COMMD6: variants seen among roughly 807,000 people sequenced by gnomAD.
The protein encoded by COMMD6 is COMM domain containing 6.
Under a neutral mutation model 13.4 loss-of-function variants are expected in COMMD6, and 11 were observed. The ratio of observed to expected loss-of-function variants is 0.82; its 90% CI spans 0.52 to 1.36. The LOEUF (loss-of-function observed/expected upper bound fraction) is 1.36, where lower values mean the gene tolerates loss of function less well. COMMD6 is among the 40% of genes most tolerant of loss of function. COMMD6 has a pLI of 0.00. For synonymous variants in COMMD6, 43 were observed against 36.5 expected (o/e 1.18, Z -0.64); for missense variants, 124 against 102.4 (o/e 1.21, Z -0.91).
chr13:75,535,811 T>TAA (rs1208585698), intron 2 of COMMD6, among the ~76,000 whole-genome samples: 4 of 152,234 alleles, frequency 2.6e-5, no homozygotes, highest in Non-Finnish European at 5.9e-5. Flanking sequence ...GATCACAAAG[T>TAA]AAAAGTCTAC....
intron 1 of COMMD6, among the ~76,000 whole-genome samples, chr13:75,548,440 T>C (rs1479016620): frequency 1.3e-5 from 2 of 152,216 alleles, no homozygotes; most frequent in Non-Finnish European, 2.9e-5. Context: ...TCTGACTCCC[T>C]AACTGCTCTC....
At chr13:75,527,856 G>A (rs755048178) in intron 3 of COMMD6, 1 of 1,502,132 alleles carries the variant, frequency 6.7e-7, no homozygotes, top group African/African-American at 1.4e-5. Context: ...CTGAGGCTGG[G>A]GGTCAATGGG....
intron 2 of COMMD6, among the ~76,000 whole-genome samples, chr13:75,535,619 G>A (rs535480483): frequency 2.6e-4 from 40 of 152,348 alleles, no homozygotes; most frequent in Admixed American, 2.5e-3. Context: ...GGTTTCTGTG[G>A]AGCTTCTGCT....
intron 2 of COMMD6, chr13:75,537,436 C>A (rs1173499782): frequency 1.5e-5 from 23 of 1,551,268 alleles, no homozygotes; most frequent in Non-Finnish European, 1.9e-5. Flanking sequence ...AATCCTTGAT[C>A]TGCATTCTTC....
Position 75,527,735 on chromosome 13 carries a change from A to C in COMMD6, c.208-1096T>G, listed in dbSNP as rs554830744. 5 of 1,280,758 alleles carry C rather than the reference A, an allele frequency of 3.9e-6. No individual in the cohort carries two copies. The Admixed American group carries it at 1.5e-4, about 40-fold the overall frequency. 79.3% of individuals were successfully genotyped at this position (1,280,758 alleles called of 1,614,324 possible). On this transcript the variant is annotated intron_variant, in intron 3 of 3. Transcript: ENST00000682242. ...GATGAACCTGGAGGACATTGTGCAA[A>C]GTGAAATAAGCCAGACACAGAAAGG...
upstream of COMMD6, among the ~76,000 whole-genome samples, chr13:75,540,661 C>T (rs763252695): frequency 1.3e-5 from 2 of 152,094 alleles, no homozygotes; most frequent in African/African-American, 2.4e-5. Flanking sequence ...ACACAAACTT[C>T]GCAGTTGGAA....
At chr13:75,538,131 A>G (rs908176984), upstream of COMMD6, among the ~76,000 whole-genome samples, 1 of 152,236 alleles carries the variant, frequency 6.6e-6, no homozygotes, top group African/African-American at 2.4e-5. Context: ...GGCGGGGCAC[A>G]GCATCCCGCT....
upstream of COMMD6, among the ~76,000 whole-genome samples, chr13:75,541,938 A>G (rs1252199036): frequency 2.6e-5 from 4 of 152,250 alleles, no homozygotes; most frequent in African/African-American, 9.6e-5. Context: ...CGCATAGGGC[A>G]TTGCAGCAGA....
In COMMD6 at chr13:75,526,485, G is replaced by C; in HGVS notation, c.*104C>G. 1.3e-6 allele frequency: 1 copy of C among 788,522 alleles called. No individual in the cohort carries two copies. The highest frequency in any genetic ancestry group is 2.1e-6 in the Non-Finnish European group (1 of 484,644). The allele number at this position is 788,522 out of a possible 1,614,324, so 48.8% of individuals were successfully genotyped here. On this transcript the variant is annotated 3_prime_UTR_variant, in exon 4 of 4. Coordinates refer to ENST00000682242, the MANE Select transcript of COMMD6 (RefSeq NM_203495.4). ...TTTAAAAAAATGGAAAAACAAAAGT[G>C]CATTTTTCATTCAATAAATGTTCCA...
At chr13:75,530,063 G>A (rs376657250) in intron 3 of COMMD6, 51 bp downstream of exon 3, 6 of 1,410,240 alleles carry the variant, frequency 4.3e-6, no homozygotes, top group Non-Finnish European at 3.9e-6. Context: ...ATCTTTTTAT[G>A]CAATGATTAC....
intron 3 of COMMD6, 111 bp downstream of exon 3, chr13:75,530,003 C>T: frequency 2.5e-6 from 2 of 796,816 alleles, no homozygotes; most frequent in Non-Finnish European, 2.0e-6. Context: ...TAAAGCATAT[C>T]AATCTACAAA....
rs2030202960 is a variant in COMMD6, at chr13:75,525,315, A to C, written c.*1274T>G. ...ATATTGCCTTAAACCTAGAAATGCT[A>C]CCCTGCAAACAGGGAAGGGGAAAGA... On this transcript the variant is annotated 3_prime_UTR_variant, in exon 4 of 4. Transcript: ENST00000682242. 1 of 152,242 alleles carries C rather than the reference A, an allele frequency of 6.6e-6. No individual in the cohort carries two copies. The allele number at this position is 152,242 out of a possible 1,614,324, so 9.4% of individuals were successfully genotyped here.
At chr13:75,527,226 G>A (rs1240108395) in intron 3 of COMMD6, among the ~76,000 whole-genome samples, 1 of 152,188 alleles carries the variant, frequency 6.6e-6, no homozygotes, top group South Asian at 2.1e-4. Context: ...ACCCCAGGAA[G>A]CTAGGAGACA....
chr13:75,533,639 T>C (rs918886728), intron 2 of COMMD6, among the ~76,000 whole-genome samples: 1 of 151,246 alleles, frequency 6.6e-6, no homozygotes, highest in African/African-American at 2.4e-5. Context: ...ATAATCCAAG[T>C]CTGAAGTTAT....
At chr13:75,527,662 T>C in intron 3 of COMMD6, 1 of 649,092 alleles carries the variant, frequency 1.5e-6, no homozygotes, top group Non-Finnish European at 2.2e-6. Context: ...CAATGGAATA[T>C]CACACAGCCA....
chr13:75,540,499 A>G (rs554485130), upstream of COMMD6, among the ~76,000 whole-genome samples: 1 of 152,312 alleles, frequency 6.6e-6, no homozygotes, highest in South Asian at 2.1e-4. Context: ...TTATTGTTCT[A>G]ATTCAACATG....
upstream of COMMD6, among the ~76,000 whole-genome samples, chr13:75,539,794 C>CA (rs367925680): frequency 5.3e-5 from 8 of 151,962 alleles, no homozygotes; most frequent in South Asian, 2.1e-4. Context: ...AAAAAACAAA[C>CA]AAAAAAACCC....
intron 2 of COMMD6, among the ~76,000 whole-genome samples, chr13:75,532,606 C>T (rs370673562): frequency 1.1e-4 from 16 of 151,858 alleles, no homozygotes; most frequent in East Asian, 1.9e-4. Flanking sequence ...CCGAGGTGGG[C>T]GGATCACGAG....
At chr13:75,537,909 T>C, upstream of COMMD6, 1 of 1,225,356 alleles carries the variant, frequency 8.2e-7, no homozygotes, top group Non-Finnish European at 1.1e-6. Context: ...GGGGCGGACG[T>C]AGCAGGGGAA....
Sources: allele counts gnomAD v4.1 joint callset (sites outside exome capture counted in the v4.1 genomes callset), GRCh38; gene constraint gnomAD v4.1.1; transcripts MANE v1.5; gene names NCBI Gene and HGNC (gene_info 2026-07-23, HGNC 2026-07-21).